PALLD: variants seen among roughly 807,000 people sequenced by gnomAD.
PALLD encodes the protein palladin.
A neutral mutation model predicts 123.5 loss-of-function variants in PALLD; 61 were observed. The observed-to-expected ratio is 0.49, with a 90% CI of 0.40 to 0.61. PALLD has a LOEUF of 0.61. PALLD is among the 20% of genes least tolerant of loss of function. PALLD has a pLI of 0.00. For missense variants in PALLD, 1,273 were observed against 1,377.0 expected, an observed-to-expected ratio of 0.92 and a Z score of 1.20; for synonymous variants, 465 against 496.4, an observed-to-expected ratio of 0.94 and a Z score of 0.84.
intron 10 of PALLD, among the ~76,000 whole-genome samples, chr4:168,881,820 A>G (rs1752652284): frequency 6.6e-6 from 1 of 152,180 alleles, no homozygotes; most frequent in African/African-American, 2.4e-5. Context: ...TTCTCCACAT[A>G]GTAAATCAGC....
intron 10 of PALLD, among the ~76,000 whole-genome samples, chr4:168,838,097 G>C (rs961746764): frequency 2.0e-5 from 3 of 152,140 alleles, no homozygotes; most frequent in African/African-American, 7.2e-5. Context: ...ATTTTATGTC[G>C]TAACACCAAA....
At chr4:168,795,063 A>G (rs1005780482) in intron 10 of PALLD, among the ~76,000 whole-genome samples, 8 of 152,076 alleles carry the variant, frequency 5.3e-5, no homozygotes, top group Non-Finnish European at 1.2e-4. Flanking sequence ...AGGGACCGGG[A>G]GCTCTGGGGC....
At chr4:168,714,516 GT>G (rs1785151756) in intron 10 of PALLD, among the ~76,000 whole-genome samples, 1 of 152,116 alleles carries the variant, frequency 6.6e-6, no homozygotes, top group Non-Finnish European at 1.5e-5. Context: ...ATGACTATAG[GT>G]AACTGCCAAG....
chr4:168,593,314 G>C (rs552576472), intron 2 of PALLD, among the ~76,000 whole-genome samples: 1 of 151,936 alleles, frequency 6.6e-6, no homozygotes, highest in African/African-American at 2.4e-5. Context: ...GCTTCTCTCT[G>C]CTGGATCTGT....
chr4:168,778,488 C>T (rs1306201347), intron 10 of PALLD, among the ~76,000 whole-genome samples: 1 of 152,070 alleles, frequency 6.6e-6, no homozygotes, highest in African/African-American at 2.4e-5. Flanking sequence ...GCTTGTGTGT[C>T]GTACTATGGC....
rs10010909 is a variant in PALLD at position 168,685,702 on chromosome 4, A to G, written c.1335+143A>G. 9.9e-3 allele frequency: 6,634 copies of G among 669,420 alleles called. 298 individuals are homozygous for G. The African/African-American group carries it at 0.11, about 11-fold the overall frequency. The allele number at this position is 669,420 out of a possible 1,614,324, so 41.5% of individuals were successfully genotyped here. A position where few individuals can be genotyped will look rare whatever the true frequency, so the allele number is the denominator to read the frequency against. On this transcript the variant is annotated intron_variant, in intron 6 of 21. Coordinates refer to ENST00000505667, the MANE Select transcript of PALLD (RefSeq NM_001166108.2). ...CATGGTTACCTTTGGGACTAAATAGATATTTGTTGAACGACTGCCGTGTGA... is the reference window on the plus strand; with the variant it reads ...CATGGTTACCTTTGGGACTAAATAGGTATTTGTTGAACGACTGCCGTGTGA...
intron 10 of PALLD, among the ~76,000 whole-genome samples, chr4:168,795,419 T>G (rs1738347042): frequency 1.3e-5 from 2 of 152,174 alleles, no homozygotes; most frequent in Admixed American, 6.5e-5. Context: ...TTAAGATAAT[T>G]AAGTATATAT....
At chr4:168,661,380 C>T (rs543093875) in intron 2 of PALLD, among the ~76,000 whole-genome samples, 6 of 152,222 alleles carry the variant, frequency 3.9e-5, no homozygotes, top group Non-Finnish European at 5.9e-5. Context: ...TCCTGCATTG[C>T]GGTTGAAGTG....
chr4:168,911,015 C>T (rs1758835143), intron 15 of PALLD, among the ~76,000 whole-genome samples: 1 of 152,180 alleles, frequency 6.6e-6, no homozygotes, highest in Non-Finnish European at 1.5e-5. Flanking sequence ...CATGATAACA[C>T]AGTACCAGCT....
chr4:168,816,943 A>G (rs531738405), intron 10 of PALLD, among the ~76,000 whole-genome samples: 1 of 151,744 alleles, frequency 6.6e-6, no homozygotes, highest in East Asian at 1.9e-4. Context: ...ATGTTTGAAC[A>G]AGACAAAGAG....
chr4:168,883,954 A>AC (rs1364409144), intron 10 of PALLD, among the ~76,000 whole-genome samples: 1 of 151,788 alleles, frequency 6.6e-6, no homozygotes, highest in African/African-American at 2.4e-5. Flanking sequence ...CCATCAAAAA[A>AC]AAAAAGGAGA....
chr4:168,732,238 A>T (rs1167482474), intron 10 of PALLD, among the ~76,000 whole-genome samples: 1 of 152,212 alleles, frequency 6.6e-6, no homozygotes, highest in Non-Finnish European at 1.5e-5. Flanking sequence ...TTTCCGAAGA[A>T]CTTGTGGCAT....
chr4:168,857,303 T>A (rs2151009963), intron 10 of PALLD, among the ~76,000 whole-genome samples: 1 of 152,338 alleles, frequency 6.6e-6, no homozygotes, highest in East Asian at 1.9e-4. Flanking sequence ...CTCCATTACA[T>A]CTCAGGATTT....
At chr4:168,700,173 C>T (rs1219692900) in intron 8 of PALLD, 5 of 162,154 alleles carry the variant, frequency 3.1e-5, no homozygotes, top group African/African-American at 9.6e-5. Context: ...ATGTGAGCCT[C>T]TTGTCACTGT....
intron 2 of PALLD, among the ~76,000 whole-genome samples, chr4:168,623,748 T>G (rs1221430365): frequency 6.6e-6 from 1 of 152,194 alleles, no homozygotes; most frequent in East Asian, 1.9e-4. Context: ...GAAATTAATA[T>G]AGTAAGAAAA....
intron 10 of PALLD, among the ~76,000 whole-genome samples, chr4:168,742,546 G>A (rs1409337119): frequency 6.6e-6 from 1 of 152,200 alleles, no homozygotes; most frequent in Non-Finnish European, 1.5e-5. Context: ...GTGCTTTGAG[G>A]ACCTGAACAG....
At chr4:168,519,151 G>A (rs1053752571) in intron 2 of PALLD, among the ~76,000 whole-genome samples, 6 of 152,234 alleles carry the variant, frequency 3.9e-5, no homozygotes, top group African/African-American at 2.4e-5. Context: ...ACAGAGAAAT[G>A]TGTGGGAATG....
chr4:168,878,335 C>T lies in PALLD; in HGVS notation c.1965-12587C>T, dbSNP rs1460784357. The T allele has an allele frequency of 7.2e-6, 11 of 1,521,964 alleles. No individual in the cohort carries two copies. The highest frequency in any genetic ancestry group is 1.2e-5 in the South Asian group (1 of 82,432). 94.3% of individuals were successfully genotyped at this position (1,521,964 alleles called of 1,614,324 possible). On this transcript the variant is annotated intron_variant, in intron 10 of 21. Coordinates refer to ENST00000505667, the MANE Select transcript of PALLD (RefSeq NM_001166108.2). ...CGGCCTTCCTCAGCGCTCTGCTGCC[C>T]TCGCAGCCGCCGCCGGCGGCCGTCA...
In PALLD at chr4:168,926,872, AC is replaced by A. The variant is rs558581664; in HGVS notation, c.*693del. 6.0e-4 allele frequency: 132 copies of A among 220,800 alleles called. No homozygotes were observed. The highest frequency in any genetic ancestry group is 2.7e-3 in the Admixed American group (47 of 17,390). 13.7% of individuals were successfully genotyped at this position (220,800 alleles called of 1,614,324 possible). On this transcript the variant is annotated 3_prime_UTR_variant, in exon 22 of 22. Transcript: ENST00000505667. ...TGTAAGGATGAAAGAAGAAGAGATGACAAAGAAATCCAAGTAAATGCCTTGT... is the reference window on the plus strand; with the variant it reads ...TGTAAGGATGAAAGAAGAAGAGATGAAAAGAAATCCAAGTAAATGCCTTGT...
Sources: allele counts gnomAD v4.1 joint callset (sites outside exome capture counted in the v4.1 genomes callset), GRCh38; gene constraint gnomAD v4.1.1; transcripts MANE v1.5; gene names NCBI Gene and HGNC (gene_info 2026-07-23, HGNC 2026-07-21).